Variants in HHIP observed in about 807,000 individuals in gnomAD.
HHIP encodes the protein hedgehog interacting protein.
A neutral mutation model predicts 74.0 loss-of-function variants in HHIP; 12 were observed. That is an observed-to-expected ratio of 0.16 (90% CI 0.10 to 0.26). The LOEUF is 0.26. HHIP is among the 10% of genes least tolerant of loss of function. HHIP has a pLI of 1.00. For synonymous variants in HHIP, 309 were observed against 311.6 expected (o/e 0.99, Z 0.09); for missense variants, 788 against 845.0 (o/e 0.93, Z 0.84).
chr4:144,686,185 G>A (rs1729479956), intron 4 of HHIP, among the ~76,000 whole-genome samples: 1 of 152,156 alleles, frequency 6.6e-6, no homozygotes, highest in Non-Finnish European at 1.5e-5. Flanking sequence ...ATTGGTTAAG[G>A]AAGTAAGTGT....
In HHIP at chr4:144,684,232, A is replaced by ATTTT. The variant is rs1174297815; in HGVS notation, c.832-22258_832-22255dup. Among the ~76,000 whole-genome samples the ATTTT allele has an allele frequency of 5.1e-4, 32 of 63,008 alleles. 7 individuals are homozygous for ATTTT. The highest frequency in any genetic ancestry group is 1.9e-3 in the East Asian group (4 of 2,132). The allele number at this position is 63,008 out of a possible 152,430, so 41.3% of individuals were successfully genotyped here. A position where few individuals can be genotyped will look rare whatever the true frequency, so the allele number is the denominator to read the frequency against. ...ATGAAAAATACAAAAAAAAAAAAGAATTTTTTTTTTTTTTTTTTTTTTTTT... is the reference window on the plus strand; with the variant it reads ...ATGAAAAATACAAAAAAAAAAAAGAATTTTTTTTTTTTTTTTTTTTTTTTTTTTT... On this transcript the variant is annotated intron_variant, in intron 4 of 12. Transcript: ENST00000296575.
chr4:144,722,514 C>A (rs1246857030), intron 11 of HHIP, among the ~76,000 whole-genome samples: 1 of 152,058 alleles, frequency 6.6e-6, no homozygotes, highest in African/African-American at 2.4e-5. Context: ...TTTAAGGTTC[C>A]TTTATTTCCA....
Position 144,738,323 on chromosome 4 carries a change from C to G in HHIP, c.*366C>G. 1 of 981,020 alleles carries G rather than the reference C, an allele frequency of 1.0e-6. No homozygotes were observed. Among genetic ancestry groups the G allele is most frequent in the Non-Finnish European group, 1.2e-6 (1 of 825,212 alleles). 60.8% of individuals were successfully genotyped at this position (981,020 alleles called of 1,614,324 possible). A position where few individuals can be genotyped will look rare whatever the true frequency, so the allele number is the denominator to read the frequency against. On this transcript the variant is annotated 3_prime_UTR_variant, in exon 13 of 13. Transcript: ENST00000296575. ...ATTTTCTGTCTGTAATCACTAAAGT[C>G]AACTTTAATAGAGTTTTGAAACAGT...
Position 144,666,661 on chromosome 4 carries a change from G to A in HHIP, c.831+6823G>A, listed in dbSNP as rs999312016. 2.0e-5 allele frequency among the ~76,000 whole-genome samples: 3 copies of A among 152,160 alleles called. No homozygotes were observed. In the South Asian group the frequency reaches 6.2e-4, roughly 31 times the overall value. The stretch of plus-strand genomic sequence containing the variant: ...ATGCTGCTATATGCCTCTAATGAGT[G>A]GCACTGCATGAGAGGAGAGACTGCA... On this transcript the variant is annotated intron_variant, in intron 4 of 12. Transcript: ENST00000296575.
At chr4:144,713,911 G>T (rs777343790) in intron 8 of HHIP, among the ~76,000 whole-genome samples, 4 of 151,652 alleles carry the variant, frequency 2.6e-5, no homozygotes, top group Non-Finnish European at 5.9e-5. Context: ...AAGTATTTTG[G>T]TTCAAAGTAA....
intron 4 of HHIP, among the ~76,000 whole-genome samples, chr4:144,687,608 T>C (rs1729525817): frequency 6.6e-6 from 1 of 152,098 alleles, no homozygotes; most frequent in Non-Finnish European, 1.5e-5. Context: ...TCATTCTGTG[T>C]GGAGTTGCCC....
At chr4:144,724,806 C>T (rs899575051) in intron 11 of HHIP, among the ~76,000 whole-genome samples, 19 of 151,236 alleles carry the variant, frequency 1.3e-4, no homozygotes, top group African/African-American at 4.4e-4. Flanking sequence ...TAAGTAGTCT[C>T]TTTTAAGCTA....
At chr4:144,692,973 T>C (rs920994946) in intron 4 of HHIP, among the ~76,000 whole-genome samples, 3 of 152,124 alleles carry the variant, frequency 2.0e-5, no homozygotes, top group Non-Finnish European at 2.9e-5. Context: ...AATAGGAATC[T>C]GACACATGAG....
chr4:144,730,068 G>A (rs1730911565), intron 11 of HHIP, among the ~76,000 whole-genome samples: 1 of 152,132 alleles, frequency 6.6e-6, no homozygotes, highest in African/African-American at 2.4e-5. Context: ...AATGAAAACT[G>A]TTCAGAATAC....
At chr4:144,670,236 G>A (rs927275104) in intron 4 of HHIP, among the ~76,000 whole-genome samples, 1 of 151,752 alleles carries the variant, frequency 6.6e-6, no homozygotes, top group Non-Finnish European at 1.5e-5. Flanking sequence ...TGAGGCCGGC[G>A]GATCACCTGA....
At position 144,652,772 on chromosome 4, in the gene HHIP, T is replaced by C. The variant is rs1728457819; in HGVS notation, c.447T>C (p.Phe149=). 1.3e-6 allele frequency: 2 copies of C among 1,598,908 alleles called. No individual in the cohort carries two copies. The highest frequency in any genetic ancestry group is 1.7e-6 in the Non-Finnish European group (2 of 1,175,960). Residue 149 remains phenylalanine, a synonymous_variant, in exon 2 of 13, where the codon TTT becomes TTC. Transcript: ENST00000296575. ...LLCKDYCKEF[F]YTCRGHIPGF... ...GCAAAGACTATTGCAAAGAATTCTTTTACACTTGCCGAGGCCATATTCCAG... is the reference window on the plus strand; with the variant it reads ...GCAAAGACTATTGCAAAGAATTCTTCTACACTTGCCGAGGCCATATTCCAG...
In HHIP at chr4:144,688,950, C is replaced by T. The variant is rs1174745220; in HGVS notation, c.832-17581C>T. ...ATGTCATCTAGGGACGATGCCATAC[C>T]AGTAGGAAGATATCATTTACAGCGT... On this transcript the variant is annotated intron_variant, in intron 4 of 12. Coordinates refer to ENST00000296575, the MANE Select transcript of HHIP (RefSeq NM_022475.3). Among the ~76,000 whole-genome samples the T allele has an allele frequency of 2.6e-5, 4 of 152,110 alleles. No homozygotes were observed. The East Asian group carries it at 5.8e-4, about 22-fold the overall frequency.
At chr4:144,707,367 T>C in intron 6 of HHIP, 107 bp downstream of exon 6, 1 of 881,884 alleles carries the variant, frequency 1.1e-6, no homozygotes, top group Non-Finnish European at 1.7e-6. Flanking sequence ...ATGGTCACCT[T>C]GGTTAAATAC....
chr4:144,684,728 T>G (rs1412886965), intron 4 of HHIP, among the ~76,000 whole-genome samples: 1 of 152,330 alleles, frequency 6.6e-6, no homozygotes, highest in South Asian at 2.1e-4. Context: ...GGCTTTGAAT[T>G]TTTTAGGACA....
At chr4:144,649,343 G>C (rs1011848268) in intron 1 of HHIP, among the ~76,000 whole-genome samples, 1 of 152,056 alleles carries the variant, frequency 6.6e-6, no homozygotes, top group Non-Finnish European at 1.5e-5. Flanking sequence ...TAGCAAACTA[G>C]GTAGGAATAT....
At chr4:144,651,933 C>T (rs1191947676) in intron 1 of HHIP, among the ~76,000 whole-genome samples, 1 of 152,010 alleles carries the variant, frequency 6.6e-6, no homozygotes, top group African/African-American at 2.4e-5. Flanking sequence ...ATGCATATAA[C>T]ATACCTGAGG....
At chr4:144,724,906 C>T (rs1211625608) in intron 11 of HHIP, among the ~76,000 whole-genome samples, 1 of 151,658 alleles carries the variant, frequency 6.6e-6, no homozygotes, top group Non-Finnish European at 1.5e-5. Context: ...AACTGGCATT[C>T]ATCTAAAAAG....
chr4:144,675,883 G>A (rs953265761), intron 4 of HHIP, among the ~76,000 whole-genome samples: 4 of 152,076 alleles, frequency 2.6e-5, no homozygotes, highest in African/African-American at 9.7e-5. Flanking sequence ...GCAAAGCCAG[G>A]CAGTCTAAAC....
chr4:144,705,442 T>C (rs1730108387), intron 4 of HHIP, among the ~76,000 whole-genome samples: 2 of 152,164 alleles, frequency 1.3e-5, no homozygotes, highest in Non-Finnish European at 2.9e-5. Flanking sequence ...CGCTATGTCG[T>C]GATGTTTAAT....
Sources: allele counts gnomAD v4.1 joint callset (sites outside exome capture counted in the v4.1 genomes callset), GRCh38; gene constraint gnomAD v4.1.1; transcripts MANE v1.5; gene names NCBI Gene and HGNC (gene_info 2026-07-23, HGNC 2026-07-21).